The following THSD7B variants were observed in gnomAD, a reference collection of about 807,000 sequenced individuals.
The protein encoded by THSD7B is thrombospondin type-1 domain-containing protein 7B.
In THSD7B, 138 loss-of-function variants were observed where a neutral mutation model predicts 213.6. That is an observed-to-expected ratio of 0.65 (90% confidence interval 0.56 to 0.74). THSD7B has a LOEUF of 0.74. Ranked by LOEUF, THSD7B falls within the 30% of genes least tolerant of loss-of-function variation. The pLI is 0.00. For synonymous variants in THSD7B, 742 were observed against 687.0 expected (o/e 1.08, Z -1.25); for missense variants, 1,931 against 1,991.5 (o/e 0.97, Z 0.58).
intron 7 of THSD7B, among the ~76,000 whole-genome samples, chr2:137,228,374 T>A (rs977953612): frequency 6.6e-6 from 1 of 152,112 alleles, no homozygotes; most frequent in African/African-American, 2.4e-5. Flanking sequence ...TTAAAAAGTA[T>A]TTGAGCACCT....
intron 1 of THSD7B, among the ~76,000 whole-genome samples, chr2:136,788,100 T>C (rs1214047144): frequency 6.6e-6 from 1 of 152,152 alleles, no homozygotes; most frequent in Non-Finnish European, 1.5e-5. Flanking sequence ...GGTTAAGAAA[T>C]TTCAAGCCTG....
chr2:137,592,670 T>C (rs553617194), intron 17 of THSD7B, among the ~76,000 whole-genome samples: 2 of 152,082 alleles, frequency 1.3e-5, no homozygotes, highest in African/African-American at 4.8e-5. Context: ...TACATGTTTA[T>C]TTTCTGTTTC....
chr2:137,350,071 A>T (rs1471298168), intron 12 of THSD7B, among the ~76,000 whole-genome samples: 1 of 151,840 alleles, frequency 6.6e-6, no homozygotes, highest in Admixed American at 6.6e-5. Context: ...TGTACTATTC[A>T]TTAACCTGTT....
chr2:136,866,527 G>A (rs1430774963), intron 1 of THSD7B, among the ~76,000 whole-genome samples: 2 of 152,162 alleles, frequency 1.3e-5, no homozygotes, highest in African/African-American at 2.4e-5. Flanking sequence ...GTGGAGGGGT[G>A]TGGGGGTTAT....
intron 7 of THSD7B, among the ~76,000 whole-genome samples, chr2:137,174,810 T>A (rs564792851): frequency 8.5e-5 from 13 of 152,292 alleles, no homozygotes; most frequent in Admixed American, 7.2e-4. Flanking sequence ...CAATAGACAT[T>A]TACGGAGCGT....
intron 2 of THSD7B, among the ~76,000 whole-genome samples, chr2:137,046,073 C>T (rs1252426236): frequency 1.3e-5 from 2 of 151,932 alleles, no homozygotes; most frequent in Admixed American, 1.3e-4. Context: ...CTAGTGTTGA[C>T]ATTGCACCTA....
At chr2:137,244,421 T>A (rs1377880612) in intron 10 of THSD7B, among the ~76,000 whole-genome samples, 1 of 152,174 alleles carries the variant, frequency 6.6e-6, no homozygotes, top group Non-Finnish European at 1.5e-5. Context: ...TTAACTTTGT[T>A]GAGCCAGTGT....
At chr2:137,063,746 G>A (rs571458339) in intron 3 of THSD7B, among the ~76,000 whole-genome samples, 29 of 151,822 alleles carry the variant, frequency 1.9e-4, no homozygotes, top group Non-Finnish European at 2.9e-4. Context: ...TTAATTTTTC[G>A]TTGTCACAGG....
intron 12 of THSD7B, among the ~76,000 whole-genome samples, chr2:137,371,306 A>G (rs1414253282): frequency 1.3e-5 from 2 of 152,146 alleles, no homozygotes; most frequent in African/African-American, 4.8e-5. Context: ...CTAATCACGA[A>G]TATCTGAAAA....
At chr2:136,987,576 G>A (rs938288197) in intron 2 of THSD7B, among the ~76,000 whole-genome samples, 1 of 152,114 alleles carries the variant, frequency 6.6e-6, no homozygotes, top group Non-Finnish European at 1.5e-5. Flanking sequence ...ACAGAGAAGG[G>A]CCAGAATACT....
At chr2:136,809,485 A>G (rs550301007) in intron 1 of THSD7B, among the ~76,000 whole-genome samples, 67 of 152,278 alleles carry the variant, frequency 4.4e-4, no homozygotes, top group African/African-American at 1.6e-3. Context: ...TTAATGTGCC[A>G]TGACATCACC....
intron 10 of THSD7B, among the ~76,000 whole-genome samples, chr2:137,259,887 T>C (rs1320638821): frequency 1.3e-5 from 2 of 152,004 alleles, no homozygotes; most frequent in Non-Finnish European, 2.9e-5. Context: ...TATAAATAGT[T>C]CTCATCTTGG....
At chr2:136,994,295 G>A (rs138074197) in intron 2 of THSD7B, among the ~76,000 whole-genome samples, 1 of 152,282 alleles carries the variant, frequency 6.6e-6, no homozygotes, top group South Asian at 2.1e-4. Context: ...GGCCGGGCGC[G>A]GTGGCTCACG....
chr2:137,676,729 G>A lies in THSD7B; in HGVS notation c.*124G>A. 1 of 771,816 alleles carries A rather than the reference G, an allele frequency of 1.3e-6. No homozygotes were observed. The highest frequency in any genetic ancestry group is 3.2e-5 in the East Asian group (1 of 31,350). The allele number at this position is 771,816 out of a possible 1,614,324, so 47.8% of individuals were successfully genotyped here. ...ATATATTGGGCAGAATACAAATATT[G>A]CAAAAGTAATATTGCCTCAACTTCA... On this transcript the variant is annotated 3_prime_UTR_variant, in exon 28 of 28. Coordinates refer to ENST00000409968, the MANE Select transcript of THSD7B (RefSeq NM_001316349.2).
intron 15 of THSD7B, among the ~76,000 whole-genome samples, chr2:137,457,083 C>T (rs190503701): frequency 2.0e-5 from 3 of 152,170 alleles, no homozygotes; most frequent in Admixed American, 6.5e-5. Flanking sequence ...TTTTTTTCTC[C>T]TCAAGAGATT....
At chr2:136,804,414 A>ACACACACACACACACACACC (rs1491331412) in intron 1 of THSD7B, among the ~76,000 whole-genome samples, 30 of 107,240 alleles carry the variant, frequency 2.8e-4, no homozygotes, top group Non-Finnish European at 4.4e-4. Flanking sequence ...ACACACACAC[A>ACACACACACACACACACACC]CACACACACA....
At chr2:137,585,550 G>C (rs911500569) in intron 17 of THSD7B, among the ~76,000 whole-genome samples, 1 of 151,954 alleles carries the variant, frequency 6.6e-6, no homozygotes, top group Non-Finnish European at 1.5e-5. Context: ...CTTTGTTCTC[G>C]TTGGTTTCAA....
chr2:136,971,994 C>A (rs2104800319), intron 2 of THSD7B, among the ~76,000 whole-genome samples: 1 of 152,240 alleles, frequency 6.6e-6, no homozygotes, highest in Admixed American at 6.5e-5. Flanking sequence ...AGTCCAGACA[C>A]AGAAAGCAAA....
rs200389806 is a variant in THSD7B at position 136,890,303 on chromosome 2, C to CTTCTTCTTCTTCTT, written c.139+7986_139+7987insTTCTTCTTCTTCTT. On this transcript the variant is annotated intron_variant, in intron 2 of 27. Coordinates refer to ENST00000409968, the MANE Select transcript of THSD7B (RefSeq NM_001316349.2). ...TGCTCATTCATGTCCATGTCCTACT[C>CTTCTTCTTCTTCTT]CTTCTTCTTCTTCTTCTTCTTCTTC... Among the ~76,000 whole-genome samples, 13 of 5,162 alleles carry CTTCTTCTTCTTCTT rather than the reference C, an allele frequency of 2.5e-3. 1 individual carries two copies. Among genetic ancestry groups the CTTCTTCTTCTTCTT allele is most frequent in the African/African-American group, 7.4e-3 (13 of 1,750 alleles). The allele number at this position is 5,162 out of a possible 152,430, so 3.4% of individuals were successfully genotyped here. A position where few individuals can be genotyped will look rare whatever the true frequency, so the allele number is the denominator to read the frequency against.
Sources: gnomAD v4.1 joint callset for allele counts (sites outside exome capture counted in the v4.1 genomes callset) on GRCh38, gnomAD v4.1.1 for gene constraint, MANE v1.5 for transcripts, NCBI Gene and HGNC (gene_info 2026-07-23, HGNC 2026-07-21) for gene names.